The following CSNK2A2 variants were observed in gnomAD, a reference collection of about 807,000 sequenced individuals.
The protein encoded by CSNK2A2 is casein kinase 2 alpha 2.
CSNK2A2 carries 8 observed loss-of-function variants against 54.0 expected under a neutral mutation model. That is an observed-to-expected ratio of 0.15 (90% CI 0.09 to 0.27). The LOEUF (loss-of-function observed/expected upper bound fraction) is 0.27. Among genes scored for constraint, CSNK2A2 ranks in the 10% least tolerant of loss-of-function variants. The pLI, the probability that CSNK2A2 is intolerant of heterozygous loss-of-function variation, is 1.00. For missense variants in CSNK2A2, 242 were observed against 439.4 expected (o/e 0.55, Z 4.02); for synonymous variants, 141 against 153.9 (o/e 0.92, Z 0.62).
At chr16:58,189,175 T>C (rs2550359) in intron 2 of CSNK2A2, among the ~76,000 whole-genome samples, 35,406 of 151,908 alleles carry the variant, frequency 0.23, 4,662 homozygotes, top group African/African-American at 0.33. Flanking sequence ...GCCAGGGTGA[T>C]CTCGTCCTGA....
intron 3 of CSNK2A2, 120 bp from the exon 4 acceptor site, chr16:58,184,430 G>C (rs1447552885): frequency 1.6e-6 from 1 of 627,026 alleles, no homozygotes; most frequent in Non-Finnish European, 2.8e-6. Context: ...ACTCATCAGG[G>C]ACAGCCTGTC....
chr16:58,193,696 A>G (rs527259163), intron 2 of CSNK2A2, among the ~76,000 whole-genome samples: 1 of 152,330 alleles, frequency 6.6e-6, no homozygotes, highest in African/African-American at 2.4e-5. Context: ...ACACTTTTCT[A>G]AGAGGTACTA....
At chr16:58,167,121 G>A in intron 8 of CSNK2A2, 86 bp downstream of exon 8, 3 of 803,316 alleles carry the variant, frequency 3.7e-6, no homozygotes, top group Non-Finnish European at 5.9e-6. Flanking sequence ...GATACTTAGT[G>A]GCTCAAGGAT....
intron 4 of CSNK2A2, among the ~76,000 whole-genome samples, chr16:58,178,386 G>A (rs893334824): frequency 3.3e-5 from 5 of 151,932 alleles, no homozygotes; most frequent in South Asian, 4.2e-4. Flanking sequence ...TCGGGTTCAC[G>A]TGATTCTCCT....
rs1475193100 is a variant in CSNK2A2 at position 58,159,848 on chromosome 16, A to C, written c.*18-1495T>G. On this transcript the variant is annotated intron_variant, in intron 11 of 11. Transcript: ENST00000262506. ...TTTCTGTCCCAACCTCTTAGTCACCATTTACAGCAAGAAGAGCCAGCAAGT... is the reference window on the plus strand; with the variant it reads ...TTTCTGTCCCAACCTCTTAGTCACCCTTTACAGCAAGAAGAGCCAGCAAGT... 3.3e-5 allele frequency: 5 copies of C among 152,330 alleles called. No homozygotes were observed. In the East Asian group the frequency reaches 9.6e-4, roughly 29 times the overall value. The allele number at this position is 152,330 out of a possible 1,614,324, so 9.4% of individuals were successfully genotyped here.
chr16:58,162,190 AG>A (rs1961400972), intron 11 of CSNK2A2: 1 of 152,256 alleles, frequency 6.6e-6, no homozygotes, highest in African/African-American at 2.4e-5. Flanking sequence ...CCAATGCTTC[AG>A]GATTGCCTAT....
At chr16:58,176,433 GAT>G (rs1961881095) in intron 4 of CSNK2A2, among the ~76,000 whole-genome samples, 1 of 152,190 alleles carries the variant, frequency 6.6e-6, no homozygotes, top group Non-Finnish European at 1.5e-5. Flanking sequence ...TTAGGACTAA[GAT>G]ATTACAAAGT....
intron 11 of CSNK2A2, chr16:58,159,840 T>TA (rs1402535865): frequency 6.6e-6 from 1 of 152,186 alleles, no homozygotes; most frequent in Non-Finnish European, 1.5e-5. Flanking sequence ...CCCAACCTCT[T>TA]AGTCACCATT....
At position 58,195,432 on chromosome 16, in the gene CSNK2A2, T is replaced by C. The variant is rs189162825; in HGVS notation, c.216+1301A>G. Among the ~76,000 whole-genome samples the C allele has an allele frequency of 2.6e-5, 4 of 152,292 alleles. No homozygotes were observed. In the East Asian group the frequency reaches 5.8e-4, roughly 22 times the overall value. On this transcript the variant is annotated intron_variant, in intron 2 of 11. Transcript: ENST00000262506. ...GAAAGCATAAGCCTGACCCCTCACA[T>C]TAAACAGGGATTACCTATACCAGCT...
At chr16:58,163,801 T>C (rs972575233) in intron 11 of CSNK2A2, 4 of 324,658 alleles carry the variant, frequency 1.2e-5, no homozygotes, top group African/African-American at 8.5e-5. Context: ...TCCGAGTCTC[T>C]ATCTCCCATG....
intron 5 of CSNK2A2, chr16:58,173,985 C>T (rs1961809554): frequency 6.6e-6 from 1 of 152,570 alleles, no homozygotes; most frequent in Admixed American, 6.5e-5. Flanking sequence ...AGGATGAGAC[C>T]TCAGCTATCC....
At chr16:58,166,560 ACT>A (rs112507755) in intron 9 of CSNK2A2, 22 bp downstream of exon 9, 103,380 of 1,050,652 alleles carry the variant, frequency 0.098, 1 homozygote, top group South Asian at 0.16. Context: ...AAGGTAAAGC[ACT>A]CTCTCTCTCT....
At chr16:58,168,344 T>C (rs1961629863) in intron 6 of CSNK2A2, among the ~76,000 whole-genome samples, 2 of 152,330 alleles carry the variant, frequency 1.3e-5, no homozygotes, top group South Asian at 4.1e-4. Context: ...AACCACCAGC[T>C]GTAATTTCTT....
At chr16:58,174,252 T>C in intron 5 of CSNK2A2, 199 bp downstream of exon 5, 1 of 506,682 alleles carries the variant, frequency 2.0e-6, no homozygotes, top group Non-Finnish European at 3.4e-6. Context: ...ACCCCTTGAC[T>C]TGGCCACTTT....
chr16:58,182,622 T>C (rs928364181), intron 4 of CSNK2A2, among the ~76,000 whole-genome samples: 2 of 151,370 alleles, frequency 1.3e-5, no homozygotes, highest in African/African-American at 2.4e-5. Flanking sequence ...AGCAGACAAT[T>C]GGTAAAAACT....
intron 4 of CSNK2A2, among the ~76,000 whole-genome samples, chr16:58,182,956 G>C (rs537735596): frequency 3.3e-5 from 5 of 152,298 alleles, no homozygotes; most frequent in African/African-American, 1.2e-4. Flanking sequence ...TCACATGTGG[G>C]AAAGTGCTAT....
At chr16:58,179,689 A>G (rs1481792625) in intron 4 of CSNK2A2, among the ~76,000 whole-genome samples, 1 of 152,224 alleles carries the variant, frequency 6.6e-6, no homozygotes, top group African/African-American at 2.4e-5. Context: ...TTGCACTTCT[A>G]GTTTGAAAAC....
chr16:58,179,388 C>T (rs1255079486), intron 4 of CSNK2A2, among the ~76,000 whole-genome samples: 2 of 151,936 alleles, frequency 1.3e-5, no homozygotes, highest in African/African-American at 4.8e-5. Context: ...GTAGTCCCAG[C>T]TACTCAGGAG....
At chr16:58,179,663 T>C (rs2550357) in intron 4 of CSNK2A2, among the ~76,000 whole-genome samples, 20,353 of 152,190 alleles carry the variant, frequency 0.13, 1,897 homozygotes, top group Admixed American at 0.26. Flanking sequence ...AAAATGCAAA[T>C]TCACAATGTT....
Sources: gnomAD v4.1 joint callset for allele counts (sites outside exome capture counted in the v4.1 genomes callset) on GRCh38, gnomAD v4.1.1 for gene constraint, MANE v1.5 for transcripts, NCBI Gene and HGNC (gene_info 2026-07-23, HGNC 2026-07-21) for gene names.